The following TTC23 variants were observed in gnomAD, a reference collection of about 807,000 sequenced individuals.
TTC23 encodes the protein tetratricopeptide repeat protein 23.
TTC23 carries 58 observed loss-of-function variants against 55.1 expected under a neutral mutation model. The observed-to-expected ratio is 1.05, with a 90% CI of 0.85 to 1.31. TTC23 has a LOEUF of 1.31. Among genes scored for constraint, TTC23 ranks in the 50% most tolerant of loss-of-function variants. The probability of loss-of-function intolerance (pLI) is 0.00; values close to 1 mark genes in which losing one functional copy is unlikely to be tolerated. For synonymous variants in TTC23, 203 were observed against 199.9 expected, an observed-to-expected ratio of 1.02 and a Z score of -0.13; for missense variants, 516 against 534.4, an observed-to-expected ratio of 0.97 and a Z score of 0.34.
intron 4 of TTC23, among the ~76,000 whole-genome samples, chr15:99,233,458 C>T (rs2079080247): frequency 6.6e-6 from 1 of 152,076 alleles, no homozygotes; most frequent in Non-Finnish European, 1.5e-5. Context: ...ACACAAACTA[C>T]CAAAGCCCAA....
chr15:99,201,954 A>C (rs979232293), intron 8 of TTC23, among the ~76,000 whole-genome samples: 2 of 152,236 alleles, frequency 1.3e-5, no homozygotes, highest in Non-Finnish European at 2.9e-5. Flanking sequence ...CAAAGCTTAA[A>C]TAACTAAAAA....
intron 4 of TTC23, among the ~76,000 whole-genome samples, chr15:99,232,240 G>A (rs1160582539): frequency 6.6e-6 from 1 of 151,796 alleles, no homozygotes; most frequent in Non-Finnish European, 1.5e-5. Context: ...AGCACTTTGG[G>A]AGGCCAAGGT....
chr15:99,218,731 A>G lies in TTC23; in HGVS notation c.456-18T>C. 1 of 1,613,512 alleles carries G rather than the reference A, an allele frequency of 6.2e-7. No homozygotes were observed. The highest frequency in any genetic ancestry group is 1.1e-5 in the South Asian group (1 of 91,060). On this transcript the variant is annotated intron_variant, in intron 7 of 13. Transcript: ENST00000394132. ...CCTTAAATCTGAATTGTGTTCAGGA[A>G]ATTTTCCACTTGGTTCTAGATTCTA...
intron 9 of TTC23, among the ~76,000 whole-genome samples, chr15:99,194,675 C>T (rs1414582366): frequency 6.6e-6 from 1 of 152,054 alleles, no homozygotes; most frequent in African/African-American, 2.4e-5. Flanking sequence ...GTGGCTCACA[C>T]CTATAATCCC....
intron 8 of TTC23, among the ~76,000 whole-genome samples, chr15:99,212,282 G>GTA (rs1234516201): frequency 6.6e-6 from 1 of 152,054 alleles, no homozygotes; most frequent in Non-Finnish European, 1.5e-5. Flanking sequence ...GTGTGTGTGT[G>GTA]TGTGTGTGTG....
intron 12 of TTC23, among the ~76,000 whole-genome samples, chr15:99,152,782 T>C (rs550616144): frequency 6.6e-6 from 1 of 152,076 alleles, no homozygotes; most frequent in Admixed American, 6.5e-5. Flanking sequence ...GTGCCACCGG[T>C]GTAACAACCA....
At chr15:99,238,544 C>T (rs184663138) in intron 3 of TTC23, among the ~76,000 whole-genome samples, 22 of 152,150 alleles carry the variant, frequency 1.4e-4, no homozygotes, top group Admixed American at 5.2e-4. Flanking sequence ...GAGAAAGCAT[C>T]CCAAGCAGAG....
intron 9 of TTC23, among the ~76,000 whole-genome samples, chr15:99,187,478 A>AAAAAAAAG (rs55638903): frequency 6.7e-6 from 1 of 149,424 alleles, no homozygotes; most frequent in African/African-American, 2.5e-5. Context: ...ACAAAACAAA[A>AAAAAAAAG]GAAACCCAAC....
intron 8 of TTC23, among the ~76,000 whole-genome samples, chr15:99,208,756 A>G (rs908495141): frequency 6.6e-6 from 1 of 152,232 alleles, no homozygotes; most frequent in Non-Finnish European, 1.5e-5. Flanking sequence ...AGGAATTGAG[A>G]GTACTACATC....
intron 8 of TTC23, among the ~76,000 whole-genome samples, chr15:99,215,833 A>C (rs2077438142): frequency 6.6e-6 from 1 of 152,234 alleles, no homozygotes; most frequent in African/African-American, 2.4e-5. Context: ...GAATGATAGA[A>C]ATATTTGATT....
Position 99,194,755 on chromosome 15 carries a change from G to C in TTC23, c.759+5164C>G, listed in dbSNP as rs540507449. Among the ~76,000 whole-genome samples, 46 of 152,224 alleles carry C rather than the reference G, an allele frequency of 3.0e-4. 1 individual carries two copies. Among genetic ancestry groups the C allele is most frequent in the African/African-American group, 7.7e-4 (32 of 41,534 alleles). ...GGTCAAGACCAGCCTGACCAACATGGAGAAACCCCGTCTCTACTAAAAATA... is the reference window on the plus strand; with the variant it reads ...GGTCAAGACCAGCCTGACCAACATGCAGAAACCCCGTCTCTACTAAAAATA... On this transcript the variant is annotated intron_variant, in intron 9 of 13. Coordinates refer to ENST00000394132, the MANE Select transcript of TTC23 (RefSeq NM_001288615.3).
chr15:99,168,800 C>T (rs2072511479), intron 10 of TTC23, among the ~76,000 whole-genome samples: 2 of 152,206 alleles, frequency 1.3e-5, no homozygotes, highest in South Asian at 2.1e-4. Context: ...CAAGGGCTGC[C>T]AACCCCTGCA....
At chr15:99,144,641 T>A (rs1555492073) in intron 12 of TTC23, 2 of 152,244 alleles carry the variant, frequency 1.3e-5, no homozygotes, top group African/African-American at 2.4e-5. Flanking sequence ...GAGGGTCATT[T>A]AAGTTACAAG....
chr15:99,231,545 G>A (rs2078934570), intron 4 of TTC23, among the ~76,000 whole-genome samples: 1 of 152,208 alleles, frequency 6.6e-6, no homozygotes, highest in Non-Finnish European at 1.5e-5. Context: ...AGGCTGGAGT[G>A]CAGTTGGCAC....
intron 8 of TTC23, among the ~76,000 whole-genome samples, chr15:99,207,396 C>T (rs1056402532): frequency 6.6e-6 from 1 of 152,080 alleles, no homozygotes; most frequent in African/African-American, 2.4e-5. Flanking sequence ...ATTCACAGAA[C>T]AAGAATTCCA....
chr15:99,163,284 G>A (rs1316844276), intron 10 of TTC23, among the ~76,000 whole-genome samples: 3 of 152,210 alleles, frequency 2.0e-5, no homozygotes, highest in Non-Finnish European at 4.4e-5. Flanking sequence ...CTGAGATGGA[G>A]AGGGATATAG....
At chr15:99,199,611 A>G (rs781105456) in intron 9 of TTC23, among the ~76,000 whole-genome samples, 17 of 152,074 alleles carry the variant, frequency 1.1e-4, no homozygotes, top group Non-Finnish European at 2.1e-4. Flanking sequence ...TTTAGAATGT[A>G]GAAAAAAAGA....
intron 12 of TTC23, among the ~76,000 whole-genome samples, chr15:99,146,274 A>G (rs2068850456): frequency 6.6e-6 from 1 of 152,144 alleles, no homozygotes; most frequent in Non-Finnish European, 1.5e-5. Flanking sequence ...GGATCTGCCT[A>G]TTTCTAAGCC....
intron 8 of TTC23, among the ~76,000 whole-genome samples, chr15:99,211,655 T>G (rs1021436245): frequency 5.9e-5 from 9 of 152,224 alleles, no homozygotes; most frequent in African/African-American, 2.2e-4. Context: ...CTTGCTTTCT[T>G]GCTTCTGAGG....
Sources: gnomAD v4.1 joint callset for allele counts (sites outside exome capture counted in the v4.1 genomes callset) on GRCh38, gnomAD v4.1.1 for gene constraint, MANE v1.5 for transcripts, NCBI Gene and HGNC (gene_info 2026-07-23, HGNC 2026-07-21) for gene names.